The following RNF17 variants were observed in gnomAD, a reference collection of about 807,000 sequenced individuals.
The protein encoded by RNF17 is spermatogenesis associated 23.
In RNF17, 31 loss-of-function variants were observed where a neutral mutation model predicts 200.5. That is an observed-to-expected ratio of 0.15 (90% CI 0.12 to 0.21). The LOEUF is 0.21. Among genes scored for constraint, RNF17 ranks in the 10% least tolerant of loss-of-function variants. The probability of loss-of-function intolerance (pLI) is 1.00; values close to 1 mark genes in which losing one functional copy is unlikely to be tolerated. For missense variants in RNF17, 1,628 were observed against 1,905.1 expected, an observed-to-expected ratio of 0.85 and a Z score of 2.71; for synonymous variants, 606 against 637.8, an observed-to-expected ratio of 0.95 and a Z score of 0.75.
At chr13:24,775,025 T>C (rs565845912) in intron 3 of RNF17, 121 bp downstream of exon 3, 4 of 620,208 alleles carry the variant, frequency 6.4e-6, no homozygotes, top group South Asian at 4.8e-5. Flanking sequence ...TATGGAATGC[T>C]CTTTAAGTTC....
At chr13:24,885,674 T>C in the RNF17 span, 1 of 1,608,684 alleles carries the variant, frequency 6.2e-7, no homozygotes. Context: ...GGATTGCCTA[T>C]TAGAATAAAA....
At position 24,864,938 on chromosome 13, in the gene RNF17, T is replaced by A. The variant is rs761929535; in HGVS notation, c.4041T>A (p.Ser1347=). ...TCTATTTTGATGGAATGTCACTTTCTTATTTTATGGCATACTATAAATACT... is the reference window on the plus strand; with the variant it reads ...TCTATTTTGATGGAATGTCACTTTCATATTTTATGGCATACTATAAATACT... ...IHLYFDGMSL[S]YFMAYYKYCT... Residue 1347 remains serine, a synonymous_variant, in exon 29 of 36, where the codon TCT becomes TCA. Transcript: ENST00000255324. 2 of 1,570,630 alleles carry A rather than the reference T, an allele frequency of 1.3e-6. No homozygotes were observed. Among genetic ancestry groups the A allele is most frequent in the Non-Finnish European group, 1.7e-6 (2 of 1,152,966 alleles).
At chr13:24,854,816 T>C (rs1426373475) in intron 25 of RNF17, among the ~76,000 whole-genome samples, 1 of 152,146 alleles carries the variant, frequency 6.6e-6, no homozygotes, top group Admixed American at 6.6e-5. Flanking sequence ...TACTATAAAA[T>C]GTTATTTATG....
At chr13:24,755,470 C>A in the RNF17 span, among the ~76,000 whole-genome samples, 1 of 152,188 alleles carries the variant, frequency 6.6e-6, no homozygotes, top group South Asian at 2.1e-4. Context: ...TATGGGAAAA[C>A]CCTTATATAG....
chr13:24,854,053 G>A lies in RNF17; in HGVS notation c.3519G>A (p.Lys1173=), dbSNP rs767256861. 2 of 1,613,852 alleles carry A rather than the reference G, an allele frequency of 1.2e-6. No homozygotes were observed. Among genetic ancestry groups the A allele is most frequent in the Non-Finnish European group, 8.5e-7 (1 of 1,179,880 alleles). Residue 1173 remains lysine (K), a synonymous_variant, in exon 25 of 36, where the codon AAG becomes AAA. Transcript: ENST00000255324. Reference sequence around the variant, plus strand: ...AACCAAGAACCACTAGAGGGTATAAGCCACCAGCTATTCCTAACATGAACG... The same window carrying A: ...AACCAAGAACCACTAGAGGGTATAAACCACCAGCTATTCCTAACATGAACG... ...ILEPRTTRGY[K]PPAIPNMNVF... is the part of the protein sequence containing the mutation.
chr13:24,779,853 A>G, intron 5 of RNF17, 106 bp downstream of exon 5: 1 of 732,616 alleles, frequency 1.4e-6, no homozygotes, highest in Non-Finnish European at 2.2e-6. Context: ...GCACTGAGTT[A>G]TTAAGCATGA....
At chr13:24,792,451 A>G (rs1373429392) in intron 9 of RNF17, among the ~76,000 whole-genome samples, 2 of 152,214 alleles carry the variant, frequency 1.3e-5, no homozygotes, top group Non-Finnish European at 2.9e-5. Context: ...CAGAAGTTGA[A>G]GGAGAACAGA....
At chr13:24,803,246 A>G (rs1885468574) in intron 14 of RNF17, among the ~76,000 whole-genome samples, 1 of 152,176 alleles carries the variant, frequency 6.6e-6, no homozygotes, top group Non-Finnish European at 1.5e-5. Context: ...TCACTACCCT[A>G]TATTCAATGT....
chr13:24,757,027 A>G, the RNF17 span, among the ~76,000 whole-genome samples: 6 of 152,132 alleles, frequency 3.9e-5, no homozygotes, highest in Admixed American at 3.9e-4. Flanking sequence ...GAGGTGAGGG[A>G]AGATGAATTA....
intron 24 of RNF17, among the ~76,000 whole-genome samples, chr13:24,853,023 C>T (rs1300001421): frequency 8.5e-5 from 13 of 152,202 alleles, no homozygotes; most frequent in Non-Finnish European, 1.9e-4. Context: ...AAGCGATTCT[C>T]GCACCTCAGC....
chr13:24,780,951 G>A (rs112699421), intron 5 of RNF17, among the ~76,000 whole-genome samples: 242 of 152,070 alleles, frequency 1.6e-3, no homozygotes, highest in African/African-American at 5.5e-3. Context: ...GTGAAGACTC[G>A]ATATACGATT....
rs1347093999 is a variant in RNF17 at position 24,799,454 on chromosome 13, G to A, written c.1459G>A (p.Glu487Lys). The A allele has an allele frequency of 2.4e-5, 38 of 1,610,842 alleles. No individual in the cohort carries two copies. The highest frequency in any genetic ancestry group is 3.1e-5 in the Non-Finnish European group (37 of 1,177,814). ...NGMWCRGTIT[E>K]LIPIEGRNTR... The stretch of plus-strand genomic sequence containing the variant: ...AATGTGGTGTCGAGGAACTATCACA[G>A]AATTAATTCCAATAGAGGGTAGAAA... The change falls in exon 12 of 36, where the codon GAA becomes AAA. Residue 487 changes from glutamate (E) to lysine (K), a missense_variant. Glu to Lys is a moderately conservative substitution (Grantham distance 56, BLOSUM62 1). Around this residue, in one of 5 missense-constraint regions of RNF17, gnomAD observed 289 missense variants for 384.9 expected, o/e 0.75. Transcript: ENST00000255324.
chr13:24,863,458 G>A (rs1197527033), intron 28 of RNF17, among the ~76,000 whole-genome samples: 1 of 152,162 alleles, frequency 6.6e-6, no homozygotes, highest in African/African-American at 2.4e-5. Context: ...GTAGGGGCCG[G>A]TTGGTGGGGT....
intron 32 of RNF17, among the ~76,000 whole-genome samples, chr13:24,872,378 C>T (rs188839282): frequency 4.6e-4 from 70 of 152,306 alleles, no homozygotes; most frequent in Non-Finnish European, 7.4e-4. Context: ...GTAGAATTCT[C>T]TGTGAAATTA....
intron 6 of RNF17, among the ~76,000 whole-genome samples, chr13:24,785,376 C>G (rs1882967248): frequency 6.6e-6 from 1 of 152,110 alleles, no homozygotes; most frequent in African/African-American, 2.4e-5. Context: ...TATGAATCTT[C>G]CGGGGTTTTT....
chr13:24,811,520 G>A (rs1886615029), intron 15 of RNF17, among the ~76,000 whole-genome samples: 1 of 151,722 alleles, frequency 6.6e-6, no homozygotes, highest in Non-Finnish European at 1.5e-5. Context: ...TCTCTGTATT[G>A]GTTATTCTAG....
At chr13:24,806,510 C>G (rs1222385330) in intron 15 of RNF17, among the ~76,000 whole-genome samples, 1 of 152,172 alleles carries the variant, frequency 6.6e-6, no homozygotes, top group Non-Finnish European at 1.5e-5. Flanking sequence ...TCTCCAGCAT[C>G]TGATCGCCTT....
intron 18 of RNF17, among the ~76,000 whole-genome samples, chr13:24,833,160 T>A (rs766473958): frequency 2.0e-5 from 3 of 152,220 alleles, no homozygotes; most frequent in Non-Finnish European, 2.9e-5. Flanking sequence ...TTACTTAGCA[T>A]AGATGTATAG....
chr13:24,768,441 C>T (rs1047933221), intron 2 of RNF17, among the ~76,000 whole-genome samples: 8 of 152,134 alleles, frequency 5.3e-5, no homozygotes, highest in African/African-American at 9.6e-5. Flanking sequence ...TGTGCCACCA[C>T]GCCCGACTAA....
Sources: allele counts gnomAD v4.1 joint callset (sites outside exome capture counted in the v4.1 genomes callset), GRCh38; gene constraint gnomAD v4.1.1; regional missense constraint gnomAD v4.1.1; transcripts MANE v1.5; gene names NCBI Gene and HGNC (gene_info 2026-07-23, HGNC 2026-07-21).